CRACD: variants seen among roughly 807,000 people sequenced by gnomAD.
The protein encoded by CRACD is capping protein inhibiting regulator of actin dynamics.
A neutral mutation model predicts 106.8 loss-of-function variants in CRACD; 56 were observed. That is an observed-to-expected ratio of 0.52 (90% CI 0.42 to 0.66). The LOEUF is 0.66. Among genes scored for constraint, CRACD ranks in the 30% least tolerant of loss-of-function variants. The probability of loss-of-function intolerance (pLI) is 0.00; values close to 1 mark genes in which losing one functional copy is unlikely to be tolerated. For missense variants in CRACD, 1,730 were observed against 1,623.2 expected, an observed-to-expected ratio of 1.07 and a Z score of -1.13; for synonymous variants, 754 against 670.8, an observed-to-expected ratio of 1.12 and a Z score of -1.92.
chr4:56,093,406 C>T (rs2109822867), intron 1 of CRACD, among the ~76,000 whole-genome samples: 1 of 152,238 alleles, frequency 6.6e-6, no homozygotes, highest in East Asian at 1.9e-4. Context: ...ATTTTTGCTT[C>T]TTTTCTCTTA....
intron 3 of CRACD, among the ~76,000 whole-genome samples, chr4:56,282,588 A>C (rs1056942644): frequency 6.6e-6 from 1 of 152,228 alleles, no homozygotes; most frequent in Admixed American, 6.5e-5. Context: ...TCCAAGTTCC[A>C]AGGTTGGTTG....
intron 2 of CRACD, among the ~76,000 whole-genome samples, chr4:56,255,053 G>T (rs1371120822): frequency 3.5e-5 from 5 of 144,808 alleles, no homozygotes; most frequent in Non-Finnish European, 6.0e-5. Flanking sequence ...GGCAGAAGTT[G>T]CAGTGAGCCA....
Position 56,314,753 on chromosome 4 carries a change from G to A in CRACD, c.1251G>A (p.Gly417=), listed in dbSNP as rs778637432. 46 of 1,587,160 alleles carry A rather than the reference G, an allele frequency of 2.9e-5. No individual in the cohort carries two copies. Among genetic ancestry groups the A allele is most frequent in the Non-Finnish European group, 3.5e-5 (41 of 1,168,044 alleles). ...AGGCGCACCTGGAGGACTGGAGGGG[G>A]CAGCTCAGTGAGCTTCTGAACGACT... ...EGQAHLEDWR[G]QLSELLNDFE... is the part of the protein sequence containing the mutation. Residue 417 remains glycine (G), a synonymous_variant, in exon 8 of 11, where the codon GGG becomes GGA. Transcript: ENST00000682029. The surrounding 1 kb of genome is among the most constrained non-coding windows in gnomAD (Gnocchi z 4.4).
chr4:56,252,055 A>G (rs1380962953), intron 2 of CRACD, among the ~76,000 whole-genome samples: 3 of 152,176 alleles, frequency 2.0e-5, no homozygotes, highest in Non-Finnish European at 4.4e-5. Context: ...TTACTCTATT[A>G]TCTTCTTTTC....
intron 2 of CRACD, among the ~76,000 whole-genome samples, chr4:56,259,160 G>A (rs1395360344): frequency 6.6e-6 from 1 of 152,196 alleles, no homozygotes. Context: ...TTTAAAGTGG[G>A]ACTTGGCATG....
intron 2 of CRACD, among the ~76,000 whole-genome samples, chr4:56,242,851 C>T (rs1016704000): frequency 6.6e-6 from 1 of 152,038 alleles, no homozygotes; most frequent in African/African-American, 2.4e-5. Flanking sequence ...GAACGAGGAC[C>T]CTATGTGAAA....
intron 1 of CRACD, among the ~76,000 whole-genome samples, chr4:56,067,544 T>A (rs962944718): frequency 2.6e-5 from 4 of 152,214 alleles, no homozygotes; most frequent in Non-Finnish European, 2.9e-5. Context: ...CAGGTCTTGG[T>A]TCTGCACTTC....
chr4:56,216,104 T>A (rs1738659893), intron 2 of CRACD: 1 of 152,204 alleles, frequency 6.6e-6, no homozygotes, highest in Admixed American at 6.5e-5. Context: ...CCCTCCCTTT[T>A]CCAATTGTAA....
At chr4:56,232,612 C>G in intron 2 of CRACD, among the ~76,000 whole-genome samples, 1 of 152,102 alleles carries the variant, frequency 6.6e-6, no homozygotes, top group East Asian at 1.9e-4. Context: ...TCCCCTTTTG[C>G]CACATCCTTG....
intron 8 of CRACD, among the ~76,000 whole-genome samples, chr4:56,317,012 C>A (rs1304222611): frequency 6.6e-6 from 1 of 152,166 alleles, no homozygotes; most frequent in African/African-American, 2.4e-5. Context: ...TTAATGTCAG[C>A]AAGGGTTGCA....
Position 56,327,923 on chromosome 4 carries a change from G to A in CRACD, c.*119G>A. ...TAGGGAAAAGAAGCATGTTTTATAGGCTCCAAAATAATGTTTAGAAACTGA... is the reference window on the plus strand; with the variant it reads ...TAGGGAAAAGAAGCATGTTTTATAGACTCCAAAATAATGTTTAGAAACTGA... On this transcript the variant is annotated 3_prime_UTR_variant, in exon 11 of 11. Transcript: ENST00000682029. 1 of 884,128 alleles carries A rather than the reference G, an allele frequency of 1.1e-6. No homozygotes were observed. The highest frequency in any genetic ancestry group is 1.7e-6 in the Non-Finnish European group (1 of 589,588). The allele number at this position is 884,128 out of a possible 1,614,324, so 54.8% of individuals were successfully genotyped here. A position where few individuals can be genotyped will look rare whatever the true frequency, so the allele number is the denominator to read the frequency against.
Position 56,267,190 on chromosome 4 carries a change from G to T in CRACD, c.-188-5131G>T, listed in dbSNP as rs146537052. On this transcript the variant is annotated intron_variant, in intron 2 of 10. Coordinates refer to ENST00000682029, the MANE Select transcript of CRACD (RefSeq NM_001393381.1). ...GGCTGGATTGCAGTGGTGCGATCTC[G>T]GCTCACTACAACCTCTGCCTCCCGG... is the stretch of plus-strand genomic sequence containing the variant. Among the ~76,000 whole-genome samples the T allele has an allele frequency of 1.9e-3, 283 of 151,132 alleles. 2 individuals are homozygous for T. The East Asian group carries it at 0.03, about 16-fold the overall frequency.
intron 2 of CRACD, among the ~76,000 whole-genome samples, chr4:56,247,039 A>G (rs1207052858): frequency 1.3e-5 from 2 of 152,180 alleles, no homozygotes; most frequent in Admixed American, 1.3e-4. Flanking sequence ...GCACTTTTAT[A>G]AGCTTTGTTG....
chr4:56,293,558 G>A (rs368005895), intron 3 of CRACD, among the ~76,000 whole-genome samples: 3 of 152,204 alleles, frequency 2.0e-5, no homozygotes, highest in East Asian at 1.9e-4. Flanking sequence ...GATCCTGCAT[G>A]CTGTACAGGA....
At chr4:56,053,413 C>A (rs1273504505) in intron 1 of CRACD, among the ~76,000 whole-genome samples, 1 of 152,016 alleles carries the variant, frequency 6.6e-6, no homozygotes, top group Non-Finnish European at 1.5e-5. Flanking sequence ...CTCTTTGAAA[C>A]ACATTGTCAG....
chr4:56,063,108 G>T (rs1228696473), intron 1 of CRACD, among the ~76,000 whole-genome samples: 1 of 152,154 alleles, frequency 6.6e-6, no homozygotes, highest in Non-Finnish European at 1.5e-5. Context: ...AAGAAAAGAA[G>T]TTCTGTTTGG....
At chr4:56,233,133 CTTATA>C (rs777905562) in intron 2 of CRACD, among the ~76,000 whole-genome samples, 24 of 136,002 alleles carry the variant, frequency 1.8e-4, no homozygotes, top group Non-Finnish European at 3.3e-4. Context: ...AGATTATTTA[CTTATA>C]TTAAGTTGCG....
At chr4:56,187,591 CCAAA>C (rs1295955055) in intron 2 of CRACD, among the ~76,000 whole-genome samples, 25 of 152,194 alleles carry the variant, frequency 1.6e-4, no homozygotes, top group Non-Finnish European at 2.9e-4. Flanking sequence ...CCCAAACCAA[CCAAA>C]CAAACAAACA....
chr4:56,266,846 C>T (rs912330108), intron 2 of CRACD, among the ~76,000 whole-genome samples: 2 of 152,136 alleles, frequency 1.3e-5, no homozygotes, highest in Non-Finnish European at 2.9e-5. Flanking sequence ...TCATAATGGT[C>T]ATGCAACATA....
Sources: allele counts gnomAD v4.1 joint callset (sites outside exome capture counted in the v4.1 genomes callset), GRCh38; gene constraint gnomAD v4.1.1; non-coding constraint Gnocchi (gnomAD v3.1); transcripts MANE v1.5; gene names NCBI Gene and HGNC (gene_info 2026-07-23, HGNC 2026-07-21).